MB21D2: variants seen among roughly 807,000 people sequenced by gnomAD.
MB21D2 encodes nucleotidyltransferase MB21D2.
Under a neutral mutation model 33.3 loss-of-function variants are expected in MB21D2, and 9 were observed. The ratio of observed to expected loss-of-function variants is 0.27; its 90% CI spans 0.16 to 0.47. The LOEUF (loss-of-function observed/expected upper bound fraction) is 0.47. MB21D2 is among the 20% of genes least tolerant of loss of function. The pLI is 0.99. For synonymous variants in MB21D2, 241 were observed against 236.3 expected, an observed-to-expected ratio of 1.02 and a Z score of -0.18; for missense variants, 540 against 624.6, an observed-to-expected ratio of 0.86 and a Z score of 1.44.
At chr3:192,893,680 C>T (rs1183310968) in intron 1 of MB21D2, among the ~76,000 whole-genome samples, 5 of 152,190 alleles carry the variant, frequency 3.3e-5, no homozygotes, top group African/African-American at 7.2e-5. Flanking sequence ...GGCATTCCCC[C>T]GTGTCCAAGC....
At chr3:192,911,549 C>G (rs1423044161) in intron 1 of MB21D2, among the ~76,000 whole-genome samples, 3 of 152,132 alleles carry the variant, frequency 2.0e-5, no homozygotes, top group Non-Finnish European at 4.4e-5. Context: ...GTTGGGGGAT[C>G]TCTAGGGAAT....
chr3:192,808,113 T>G (rs1004936802), intron 1 of MB21D2, among the ~76,000 whole-genome samples: 1 of 152,190 alleles, frequency 6.6e-6, no homozygotes, highest in Admixed American at 6.5e-5. Flanking sequence ...TGCTCTGGCA[T>G]GCAAATGACA....
rs565378240 is a variant in MB21D2 at position 192,802,389 on chromosome 3, C to T, written c.212-2739G>A. 3.9e-5 allele frequency among the ~76,000 whole-genome samples: 6 copies of T among 152,236 alleles called. No individual in the cohort carries two copies. The East Asian group carries it at 1.2e-3, about 29-fold the overall frequency. ...CATCCTAACTCCATTTCAGAGGCTG[C>T]GTCCTGAGAAACCCAACATACTACA... On this transcript the variant is annotated intron_variant, in intron 1 of 1. Coordinates refer to ENST00000392452, the MANE Select transcript of MB21D2 (RefSeq NM_178496.4).
intron 1 of MB21D2, among the ~76,000 whole-genome samples, chr3:192,873,206 C>T (rs1009361664): frequency 5.3e-5 from 8 of 152,122 alleles, no homozygotes; most frequent in Admixed American, 5.2e-4. Flanking sequence ...GCTGTATGCA[C>T]AATTACTATT....
At chr3:192,816,667 C>A (rs913137652) in intron 1 of MB21D2, among the ~76,000 whole-genome samples, 1 of 152,108 alleles carries the variant, frequency 6.6e-6, no homozygotes, top group African/African-American at 2.4e-5. Context: ...GATGGGATGT[C>A]ACATCGTCGT....
chr3:192,891,478 C>T (rs770726421), intron 1 of MB21D2, among the ~76,000 whole-genome samples: 24 of 152,172 alleles, frequency 1.6e-4, no homozygotes, highest in Admixed American at 7.8e-4. Context: ...AAAAGAAAGG[C>T]AAAAGAAAGG....
chr3:192,846,586 T>C (rs1712684787), intron 1 of MB21D2, among the ~76,000 whole-genome samples: 1 of 152,160 alleles, frequency 6.6e-6, no homozygotes, highest in African/African-American at 2.4e-5. Flanking sequence ...TCACCTCTTA[T>C]GGAACTTGGA....
chr3:192,820,250 T>C (rs1712014536), intron 1 of MB21D2, among the ~76,000 whole-genome samples: 1 of 152,136 alleles, frequency 6.6e-6, no homozygotes, highest in South Asian at 2.1e-4. Context: ...TTCTCTAAAA[T>C]TTATGAGTAT....
chr3:192,828,637 T>C lies in MB21D2; in HGVS notation c.212-28987A>G, dbSNP rs1445793831. Among the ~76,000 whole-genome samples the C allele has an allele frequency of 1.9e-3, 68 of 35,906 alleles. 10 individuals are homozygous for C. The highest frequency in any genetic ancestry group is 0.015 in the East Asian group (13 of 886). The allele number at this position is 35,906 out of a possible 152,430, so 23.6% of individuals were successfully genotyped here. ...ATATATATATATATATATATATATA[T>C]ATATATATATATATATATATATATA... On this transcript the variant is annotated intron_variant, in intron 1 of 1. Transcript: ENST00000392452.
intron 1 of MB21D2, among the ~76,000 whole-genome samples, chr3:192,826,609 C>T (rs185009763): frequency 2.1e-3 from 327 of 152,298 alleles, no homozygotes; most frequent in Non-Finnish European, 3.9e-3. Flanking sequence ...TAAAAGTCAA[C>T]CCTAAACCTA....
intron 1 of MB21D2, among the ~76,000 whole-genome samples, chr3:192,847,953 C>CTGTA (rs1712709247): frequency 6.6e-6 from 1 of 152,174 alleles, no homozygotes; most frequent in Non-Finnish European, 1.5e-5. Context: ...CTTTGATGAA[C>CTGTA]TGTACATGCT....
chr3:192,893,873 T>C (rs928104305), intron 1 of MB21D2, among the ~76,000 whole-genome samples: 10 of 152,234 alleles, frequency 6.6e-5, no homozygotes, highest in South Asian at 2.1e-4. Context: ...CTATCTCTAC[T>C]ACATATTTAA....
At chr3:192,823,054 C>T (rs1445541843) in intron 1 of MB21D2, among the ~76,000 whole-genome samples, 1 of 152,152 alleles carries the variant, frequency 6.6e-6, no homozygotes, top group African/African-American at 2.4e-5. Context: ...TAAAATACGC[C>T]ATATCTGATA....
chr3:192,822,870 C>T (rs1453733678), intron 1 of MB21D2, among the ~76,000 whole-genome samples: 1 of 152,134 alleles, frequency 6.6e-6, no homozygotes, highest in African/African-American at 2.4e-5. Context: ...GATTCTTAAA[C>T]GAGCACTCCG....
chr3:192,821,259 G>A (rs1170210245), intron 1 of MB21D2, among the ~76,000 whole-genome samples: 1 of 152,138 alleles, frequency 6.6e-6, no homozygotes, highest in Non-Finnish European at 1.5e-5. Flanking sequence ...AGACCTTGAG[G>A]TTAAATAAAT....
intron 1 of MB21D2, among the ~76,000 whole-genome samples, chr3:192,863,950 A>G (rs1713107645): frequency 6.6e-6 from 1 of 152,210 alleles, no homozygotes; most frequent in Admixed American, 6.5e-5. Context: ...CCAGTCTATG[A>G]TATTTTGTTA....
At chr3:192,800,315 G>A (rs1462152471) in intron 1 of MB21D2, among the ~76,000 whole-genome samples, 1 of 152,072 alleles carries the variant, frequency 6.6e-6, no homozygotes, top group African/African-American at 2.4e-5. Context: ...CTGGCCTCAA[G>A]CAATTCTCCT....
At chr3:192,841,573 T>C (rs1712572968) in intron 1 of MB21D2, among the ~76,000 whole-genome samples, 2 of 152,212 alleles carry the variant, frequency 1.3e-5, no homozygotes, top group African/African-American at 4.8e-5. Context: ...AGCTTGGAAG[T>C]GGATACTCCA....
chr3:192,909,522 T>G (rs1207042408), intron 1 of MB21D2, among the ~76,000 whole-genome samples: 1 of 152,208 alleles, frequency 6.6e-6, no homozygotes, highest in Non-Finnish European at 1.5e-5. Context: ...ATATTTATAA[T>G]GAAAGAAAAT....
Sources: gnomAD v4.1 joint callset for allele counts (sites outside exome capture counted in the v4.1 genomes callset) on GRCh38, gnomAD v4.1.1 for gene constraint, MANE v1.5 for transcripts, NCBI Gene and HGNC (gene_info 2026-07-23, HGNC 2026-07-21) for gene names.